The following NUBP1 variants were observed in gnomAD, a reference collection of about 807,000 sequenced individuals.
NUBP1 encodes NUBP iron-sulfur cluster assembly factor 1, cytosolic.
A neutral mutation model predicts 41.8 loss-of-function variants in NUBP1; 46 were observed. The observed-to-expected ratio is 1.10, with a 90% CI of 0.87 to 1.41. NUBP1 has a LOEUF of 1.41. NUBP1 is among the 40% of genes most tolerant of loss of function. NUBP1 has a pLI of 0.00. For missense variants in NUBP1, 494 were observed against 414.0 expected, an observed-to-expected ratio of 1.19 and a Z score of -1.68; for synonymous variants, 189 against 154.6, an observed-to-expected ratio of 1.22 and a Z score of -1.65.
At position 10,767,591 on chromosome 16, in the gene NUBP1, G is replaced by T; in HGVS notation, c.821-358G>T. 2.2e-6 allele frequency: 1 copy of T among 453,242 alleles called. No homozygotes were observed. Among genetic ancestry groups the T allele is most frequent in the South Asian group, 5.7e-5 (1 of 17,664 alleles). The allele number at this position is 453,242 out of a possible 1,614,324, so 28.1% of individuals were successfully genotyped here. A position where few individuals can be genotyped will look rare whatever the true frequency, so the allele number is the denominator to read the frequency against. On this transcript the variant is annotated intron_variant, in intron 9 of 10. Coordinates refer to ENST00000283027, the MANE Select transcript of NUBP1 (RefSeq NM_002484.4). This position sits in a 1 kb window ranked among gnomAD's most constrained non-coding sequence, Gnocchi z 4.6. ...TTGGCCTTTTATGCCATATCCTTTT[G>T]CATTCTGTACTTTTTTTAACCATGT... is the stretch of plus-strand genomic sequence containing the variant.
At chr16:10,764,180 G>A (rs533467065) in intron 9 of NUBP1, among the ~76,000 whole-genome samples, 2 of 152,320 alleles carry the variant, frequency 1.3e-5, no homozygotes, top group East Asian at 1.9e-4. Flanking sequence ...CAGCCCACGG[G>A]AGCATCCCAG....
chr16:10,755,297 G>A (rs1453321781), intron 4 of NUBP1, among the ~76,000 whole-genome samples: 1 of 152,160 alleles, frequency 6.6e-6, no homozygotes, highest in African/African-American at 2.4e-5. Context: ...GCTGATTGGG[G>A]ACAGGTTCTG....
chr16:10,760,214 T>C (rs992803656), intron 7 of NUBP1, among the ~76,000 whole-genome samples: 2 of 152,364 alleles, frequency 1.3e-5, no homozygotes, highest in East Asian at 3.9e-4. Flanking sequence ...AGATAGGAAG[T>C]AGGCGTTGCG....
intron 2 of NUBP1, 37 bp from the exon 3 acceptor site, chr16:10,747,106 T>C: frequency 1.9e-6 from 3 of 1,611,542 alleles, no homozygotes. Context: ...AGGTTTGGTG[T>C]GGGACCTCAT....
At chr16:10,763,357 G>A (rs527986008) in intron 9 of NUBP1, among the ~76,000 whole-genome samples, 12 of 152,168 alleles carry the variant, frequency 7.9e-5, no homozygotes, top group Admixed American at 4.6e-4. Flanking sequence ...TGGTAGGGGG[G>A]TAGGGTGCGA....
Position 10,762,069 on chromosome 16 carries a change from G to A in NUBP1, c.820+210G>A, listed in dbSNP as rs1031855757. 2.0e-5 allele frequency: 10 copies of A among 507,914 alleles called. 1 individual carries two copies. The highest frequency in any genetic ancestry group is 3.3e-5 in the Admixed American group (1 of 29,946). The allele number at this position is 507,914 out of a possible 1,614,324, so 31.5% of individuals were successfully genotyped here. ...GCGGGCAGGTAGCGGGAGCAAGCAG[G>A]CCTCAGGCAGAGGGGTGAGGCCTGG... On this transcript the variant is annotated intron_variant, in intron 9 of 10. Coordinates refer to ENST00000283027, the MANE Select transcript of NUBP1 (RefSeq NM_002484.4).
intron 9 of NUBP1, chr16:10,763,708 C>G (rs187650158): frequency 6.5e-6 from 1 of 153,706 alleles, no homozygotes; most frequent in East Asian, 1.9e-4. Flanking sequence ...ACCTCTGCCA[C>G]AGTTCAGCTC....
chr16:10,752,744 C>A, intron 4 of NUBP1, 66 bp downstream of exon 4: 1 of 1,300,822 alleles, frequency 7.7e-7, no homozygotes, highest in South Asian at 1.2e-5. Flanking sequence ...ACTGAACTGT[C>A]AAACCTCAAC....
chr16:10,746,737 C>T (rs1257294660), intron 2 of NUBP1, among the ~76,000 whole-genome samples: 1 of 151,626 alleles, frequency 6.6e-6, no homozygotes, highest in Non-Finnish European at 1.5e-5. Context: ...AACACTCTGT[C>T]TCAAAAAAAA....
intron 4 of NUBP1, among the ~76,000 whole-genome samples, chr16:10,753,080 C>T (rs530660906): frequency 6.6e-6 from 1 of 151,986 alleles, no homozygotes; most frequent in Non-Finnish European, 1.5e-5. Flanking sequence ...AGGCGTGAGC[C>T]ACCGCACCTG....
chr16:10,754,408 A>T (rs1321896965), intron 4 of NUBP1, among the ~76,000 whole-genome samples: 1 of 151,646 alleles, frequency 6.6e-6, no homozygotes, highest in East Asian at 2.0e-4. Context: ...ACGTCCAGCT[A>T]TTTTTTGTAT....
rs142735666 is a variant in NUBP1, at chr16:10,746,509, G to A, written c.125-634G>A. ...TAATTCCAACACTTTGGGAGGCCAA[G>A]GTGGGTGGATCACTTGAGGTTGGAA... On this transcript the variant is annotated intron_variant, in intron 2 of 10. Transcript: ENST00000283027. Among the ~76,000 whole-genome samples, 1,038 of 152,340 alleles carry A rather than the reference G, an allele frequency of 6.8e-3. 14 individuals carry two copies. Among genetic ancestry groups the A allele is most frequent in the African/African-American group, 0.024 (997 of 41,560 alleles).
In NUBP1 at chr16:10,767,854, TC is replaced by T; in HGVS notation, c.821-92del. On this transcript the variant is annotated intron_variant, in intron 9 of 10. Coordinates refer to ENST00000283027, the MANE Select transcript of NUBP1 (RefSeq NM_002484.4). This position sits in a 1 kb window ranked among gnomAD's most constrained non-coding sequence, Gnocchi z 4.6. ...TACGAGTGAAGCGGGCTCAAGATCTTCCCATTGTCACCAGCACGGAAAGAGC... is the reference window on the plus strand; with the variant it reads ...TACGAGTGAAGCGGGCTCAAGATCTTCCATTGTCACCAGCACGGAAAGAGC... The T allele has an allele frequency of 8.7e-7, 1 of 1,153,838 alleles. No homozygotes were observed. Among genetic ancestry groups the T allele is most frequent in the Non-Finnish European group, 1.3e-6 (1 of 767,750 alleles). 71.5% of individuals were successfully genotyped at this position (1,153,838 alleles called of 1,614,324 possible).
At chr16:10,754,915 G>A (rs556166052) in intron 4 of NUBP1, among the ~76,000 whole-genome samples, 1 of 152,122 alleles carries the variant, frequency 6.6e-6, no homozygotes, top group African/African-American at 2.4e-5. Flanking sequence ...CATGGTGGCG[G>A]GCACCTATAA....
rs1900942440 is a variant in NUBP1, at chr16:10,761,156, T to A, written c.607-208T>A. ...GATCCAATCACCTCCCACCAGGAAC[T>A]GCCTGTTCCTGTAGGGATGTAGGGA... On this transcript the variant is annotated intron_variant, in intron 7 of 10. Coordinates refer to ENST00000283027, the MANE Select transcript of NUBP1 (RefSeq NM_002484.4). 4 of 466,324 alleles carry A rather than the reference T, an allele frequency of 8.6e-6. No homozygotes were observed. In the Admixed American group the frequency reaches 1.1e-4, roughly 13 times the overall value. 28.9% of individuals were successfully genotyped at this position (466,324 alleles called of 1,614,324 possible).
chr16:10,746,528 G>T (rs958024710), intron 2 of NUBP1, among the ~76,000 whole-genome samples: 1 of 152,184 alleles, frequency 6.6e-6, no homozygotes, highest in Non-Finnish European at 1.5e-5. Context: ...ATCACTTGAG[G>T]TTGGAAGTTC....
chr16:10,765,340 A>AG lies in NUBP1; in HGVS notation c.821-2609_821-2608insG, dbSNP rs1422596048. 5.9e-5 allele frequency among the ~76,000 whole-genome samples: 9 copies of AG among 151,374 alleles called. No homozygotes were observed. In the East Asian group the frequency reaches 1.5e-3, roughly 26 times the overall value. ...TACCTCATCTCTTAAAAAAAAAAAA[A>AG]AAAAAAAAAGGAAAAAATTCACCCA... On this transcript the variant is annotated intron_variant, in intron 9 of 10. Transcript: ENST00000283027. This position sits in a 1 kb window ranked among gnomAD's most constrained non-coding sequence, Gnocchi z 4.0.
intron 9 of NUBP1, among the ~76,000 whole-genome samples, chr16:10,762,546 C>T (rs186430761): frequency 3.6e-4 from 55 of 152,284 alleles, no homozygotes; most frequent in Admixed American, 3.1e-3. Flanking sequence ...CCCCCAGGAC[C>T]GCGGAGCCGG....
In NUBP1 at chr16:10,767,863, C is replaced by A; in HGVS notation, c.821-86C>A. ...AGCGGGCTCAAGATCTTCCCATTGT[C>A]ACCAGCACGGAAAGAGCCCCAAGAT... On this transcript the variant is annotated intron_variant, in intron 9 of 10. Coordinates refer to ENST00000283027, the MANE Select transcript of NUBP1 (RefSeq NM_002484.4). The surrounding 1 kb of genome is among the most constrained non-coding windows in gnomAD (Gnocchi z 4.6). 1 of 1,246,876 alleles carries A rather than the reference C, an allele frequency of 8.0e-7. No individual in the cohort carries two copies. Among genetic ancestry groups the A allele is most frequent in the South Asian group, 1.2e-5 (1 of 82,748 alleles). The allele number at this position is 1,246,876 out of a possible 1,614,324, so 77.2% of individuals were successfully genotyped here. A position where few individuals can be genotyped will look rare whatever the true frequency, so the allele number is the denominator to read the frequency against.
Sources: gnomAD v4.1 joint callset for allele counts (sites outside exome capture counted in the v4.1 genomes callset) on GRCh38, gnomAD v4.1.1 for gene constraint, Gnocchi (gnomAD v3.1) non-coding constraint, MANE v1.5 for transcripts, NCBI Gene and HGNC (gene_info 2026-07-23, HGNC 2026-07-21) for gene names.